The following NHSL1 variants were observed in gnomAD, a reference collection of about 807,000 sequenced individuals.
NHSL1 encodes the protein NHS-like protein 1.
A neutral mutation model predicts 95.0 loss-of-function variants in NHSL1; 48 were observed. That is an observed-to-expected ratio of 0.51 (90% confidence interval 0.40 to 0.64). The LOEUF (loss-of-function observed/expected upper bound fraction) is 0.64. NHSL1 is among the 30% of genes least tolerant of loss of function. NHSL1 has a pLI of 0.00. For synonymous variants in NHSL1, 783 were observed against 833.9 expected, an observed-to-expected ratio of 0.94 and a Z score of 1.05; for missense variants, 1,971 against 2,077.7, an observed-to-expected ratio of 0.95 and a Z score of 1.00.
chr6:138,650,105 G>C, intron 1 of NHSL1: 1 of 521,840 alleles, frequency 1.9e-6, no homozygotes. Context: ...AAGCCCGGCT[G>C]GGCGGGAGCA....
At chr6:138,564,926 AG>A (rs1178784379) in intron 1 of NHSL1, among the ~76,000 whole-genome samples, 1 of 152,166 alleles carries the variant, frequency 6.6e-6, no homozygotes. Flanking sequence ...AGGGAATAAG[AG>A]GGAACGGGAG....
At chr6:138,429,469 A>G (rs1425644783) in intron 7 of NHSL1, among the ~76,000 whole-genome samples, 2 of 152,180 alleles carry the variant, frequency 1.3e-5, no homozygotes, top group Non-Finnish European at 2.9e-5. Context: ...AGCAGCGCCT[A>G]CCAGAACGTA....
At position 138,430,087 on chromosome 6, in the gene NHSL1, G is replaced by A. The variant is rs1344501255; in HGVS notation, c.3953-244C>T. 3.9e-5 allele frequency among the ~76,000 whole-genome samples: 6 copies of A among 152,152 alleles called. No homozygotes were observed. The highest frequency in any genetic ancestry group is 7.3e-5 in the Non-Finnish European group (5 of 68,028). On this transcript the variant is annotated intron_variant, in intron 6 of 7. Coordinates refer to ENST00000343505, the MANE Select transcript of NHSL1 (RefSeq NM_001144060.2). This position sits in a 1 kb window ranked among gnomAD's most constrained non-coding sequence, Gnocchi z 4.7. ...CATCTCTCTTAAATTTTGTTGCAAC[G>A]TTTCTTTGCGCGGCTCTTCGGAAGG... is the stretch of plus-strand genomic sequence containing the variant.
At position 138,431,157 on chromosome 6, in the gene NHSL1, G is replaced by A; in HGVS notation, c.3188C>T (p.Pro1063Leu). 2 of 1,551,348 alleles carry A rather than the reference G, an allele frequency of 1.3e-6. No homozygotes were observed. Among genetic ancestry groups the A allele is most frequent in the Non-Finnish European group, 1.7e-6 (2 of 1,146,726 alleles). ...TTCCGTGGTTATCAGGGGCATGGGG[G>A]GCCTGCTGGTCTCCTCCTTGGTAGA... The part of the protein sequence containing the change: ...PPSTKEETSR[P>L]PMPLITTEAL... Residue 1063 changes from proline (P) to leucine (L), a missense_variant, in exon 6 of 8, where the codon CCC becomes CTC. Transcript: ENST00000343505. This position sits in a 1 kb window ranked among gnomAD's most constrained non-coding sequence, Gnocchi z 4.0.
chr6:138,659,099 G>C (rs927415425), intron 1 of NHSL1, among the ~76,000 whole-genome samples: 1 of 149,240 alleles, frequency 6.7e-6, no homozygotes, highest in African/African-American at 2.5e-5. Flanking sequence ...ACCCAGGCTG[G>C]AGTGTAGTGG....
intron 1 of NHSL1, among the ~76,000 whole-genome samples, chr6:138,644,791 G>A (rs986083865): frequency 9.2e-5 from 14 of 152,190 alleles, no homozygotes; most frequent in Middle Eastern, 3.4e-3. Flanking sequence ...GTTTTTACAC[G>A]GGTACATATT....
At chr6:138,504,906 A>C (rs1268734455) in intron 1 of NHSL1, among the ~76,000 whole-genome samples, 2 of 152,254 alleles carry the variant, frequency 1.3e-5, no homozygotes, top group African/African-American at 4.8e-5. Context: ...AAAATGTTTC[A>C]GGAACCAAAT....
chr6:138,668,371 A>G (rs1562407648), intron 1 of NHSL1, among the ~76,000 whole-genome samples: 1 of 152,054 alleles, frequency 6.6e-6, no homozygotes, highest in African/African-American at 2.4e-5. Flanking sequence ...TGAACCTGGG[A>G]GGCGGAGGTT....
intron 1 of NHSL1, among the ~76,000 whole-genome samples, chr6:138,498,428 A>G (rs1191536048): frequency 6.6e-6 from 1 of 152,166 alleles, no homozygotes; most frequent in African/African-American, 2.4e-5. Context: ...AAGGAGCTGC[A>G]GAAAATCAGC....
intron 3 of NHSL1, among the ~76,000 whole-genome samples, chr6:138,465,069 A>G (rs907986320): frequency 1.6e-4 from 24 of 151,756 alleles, no homozygotes; most frequent in Admixed American, 1.2e-3. Context: ...AAAAAAAAAA[A>G]AAGAATGAAT....
At position 138,627,126 on chromosome 6, in the gene NHSL1, T is replaced by C. The variant is rs529474835; in HGVS notation, c.96+65350A>G. Among the ~76,000 whole-genome samples the C allele has an allele frequency of 2.0e-5, 3 of 152,308 alleles. No homozygotes were observed. In the East Asian group the frequency reaches 5.8e-4, roughly 29 times the overall value. On this transcript the variant is annotated intron_variant, in intron 1 of 3. Coordinates refer to the NHSL1 transcript ENST00000491526. ...AGAAATTGTCTTCTCTATGCAACACTGCTCTCTGCAAAAATACCAAACTAT... is the reference window on the plus strand; with the variant it reads ...AGAAATTGTCTTCTCTATGCAACACCGCTCTCTGCAAAAATACCAAACTAT...
Position 138,424,200 on chromosome 6 carries a change from C to CA in NHSL1, c.4701dup (p.Gly1568TrpfsTer45). 1 of 1,494,820 alleles carries CA rather than the reference C, an allele frequency of 6.7e-7. No individual in the cohort carries two copies. Among genetic ancestry groups the CA allele is most frequent in the Non-Finnish European group, 8.9e-7 (1 of 1,125,090 alleles). The allele number at this position is 1,494,820 out of a possible 1,614,324, so 92.6% of individuals were successfully genotyped here. A position where few individuals can be genotyped will look rare whatever the true frequency, so the allele number is the denominator to read the frequency against. ...TGCAGGGAGGCGGCAGGCCCCTCCC[C>CA]ACAGAGCAGGCCGCCCTCGTCCATC... is the stretch of plus-strand genomic sequence containing the variant. On this transcript the variant is annotated frameshift_variant, in exon 8 of 8. Coordinates refer to ENST00000343505, the MANE Select transcript of NHSL1 (RefSeq NM_001144060.2). LOFTEE classifies it low-confidence loss of function (END_TRUNC). The surrounding 1 kb of genome is among the most constrained non-coding windows in gnomAD (Gnocchi z 5.9).
chr6:138,466,042 G>GGGT (rs1562298509), intron 3 of NHSL1, among the ~76,000 whole-genome samples: 1 of 69,326 alleles, frequency 1.4e-5, no homozygotes, highest in Non-Finnish European at 2.6e-5. Flanking sequence ...ACTCCTTTTT[G>GGGT]GGGGGGGGGC....
At chr6:138,540,030 T>G (rs920745568) in intron 1 of NHSL1, among the ~76,000 whole-genome samples, 2 of 152,200 alleles carry the variant, frequency 1.3e-5, no homozygotes, top group African/African-American at 4.8e-5. Context: ...TTTATTAAAT[T>G]CCAAGGGCTT....
At chr6:138,525,929 T>A (rs1781885738) in intron 1 of NHSL1, among the ~76,000 whole-genome samples, 1 of 151,338 alleles carries the variant, frequency 6.6e-6, no homozygotes, top group Admixed American at 6.6e-5. Flanking sequence ...AAACCCCATC[T>A]CTACTAAAAA....
At position 138,499,347 on chromosome 6, in the gene NHSL1, G is replaced by T; in HGVS notation, c.-57C>A. On this transcript the variant is annotated 5_prime_UTR_variant, in exon 1 of 8. In the 5' UTR this introduces an upstream ATG that the reference lacks. Coordinates refer to ENST00000343505, the MANE Select transcript of NHSL1 (RefSeq NM_001144060.2). ...TAAATCACATTAAAAGCTCAGCCCA[G>T]TAGGCAGGTGGCAAGCTTCGTCCTT... The T allele has an allele frequency of 6.5e-7, 1 of 1,542,206 alleles. No homozygotes were observed. The highest frequency in any genetic ancestry group is 8.8e-7 in the Non-Finnish European group (1 of 1,142,586).
rs145689375 is a variant in NHSL1 at position 138,498,049 on chromosome 6, C to G, written c.58+1184G>C. On this transcript the variant is annotated intron_variant, in intron 1 of 7. Transcript: ENST00000343505. Reference sequence around the variant, plus strand: ...GTGCATACAACTATCAATCTTAATACACAAAATCCACAAAGACCTGACTTA... The same window carrying G: ...GTGCATACAACTATCAATCTTAATAGACAAAATCCACAAAGACCTGACTTA... 4.3e-3 allele frequency among the ~76,000 whole-genome samples: 653 copies of G among 152,248 alleles called. 6 individuals are homozygous for G. Among genetic ancestry groups the G allele is most frequent in the African/African-American group, 0.015 (604 of 41,542 alleles).
intron 1 of NHSL1, among the ~76,000 whole-genome samples, chr6:138,509,248 G>A (rs1425631524): frequency 1.3e-5 from 2 of 152,154 alleles, no homozygotes; most frequent in Admixed American, 6.5e-5. Flanking sequence ...AAATTTTATA[G>A]AAAAAAATTG....
chr6:138,689,005 G>A (rs1785624681), intron 1 of NHSL1, among the ~76,000 whole-genome samples: 1 of 152,146 alleles, frequency 6.6e-6, no homozygotes, highest in Non-Finnish European at 1.5e-5. Context: ...TTTTAGTAGG[G>A]ACGGGGTTTC....
Sources: allele counts gnomAD v4.1 joint callset (sites outside exome capture counted in the v4.1 genomes callset), GRCh38; gene constraint gnomAD v4.1.1; non-coding constraint Gnocchi (gnomAD v3.1); transcripts MANE v1.5; gene names NCBI Gene and HGNC (gene_info 2026-07-23, HGNC 2026-07-21).